The following HIPK2 variants were observed in gnomAD, a reference collection of about 807,000 sequenced individuals.
HIPK2 encodes the protein homeodomain-interacting protein kinase 2.
A neutral mutation model predicts 113.7 loss-of-function variants in HIPK2; 27 were observed. The ratio of observed to expected loss-of-function variants is 0.24; its 90% CI spans 0.17 to 0.33. HIPK2 has a LOEUF of 0.33. Ranked by LOEUF, HIPK2 falls within the 10% of genes least tolerant of loss-of-function variation. The probability of loss-of-function intolerance (pLI) is 1.00; values close to 1 mark genes in which losing one functional copy is unlikely to be tolerated. For missense variants in HIPK2, 1,257 were observed against 1,588.0 expected (o/e 0.79, Z 3.54); for synonymous variants, 631 against 642.2 (o/e 0.98, Z 0.26).
intron 2 of HIPK2, among the ~76,000 whole-genome samples, chr7:139,641,794 A>G (rs545293780): frequency 2.0e-5 from 3 of 152,354 alleles, no homozygotes; most frequent in South Asian, 2.1e-4. Flanking sequence ...GCTCATTTAC[A>G]TAGTTCACTG....
intron 2 of HIPK2, among the ~76,000 whole-genome samples, chr7:139,665,605 T>TCCATCCATCCATCCAC: frequency 6.7e-6 from 1 of 149,582 alleles, no homozygotes; most frequent in East Asian, 2.0e-4. Context: ...CATCCATCCA[T>TCCATCCATCCATCCAC]CCACCCATGG....
intron 12 of HIPK2, among the ~76,000 whole-genome samples, chr7:139,586,108 G>A (rs1425326876): frequency 6.6e-6 from 1 of 152,170 alleles, no homozygotes; most frequent in Non-Finnish European, 1.5e-5. Flanking sequence ...TCGTACAGAT[G>A]ATAATTGTTA....
rs1797974214 is a variant in HIPK2 at position 139,562,444 on chromosome 7, A to G, written c.*10483T>C. On this transcript the variant is annotated 3_prime_UTR_variant, in exon 15 of 15. Coordinates refer to ENST00000406875, the MANE Select transcript of HIPK2 (RefSeq NM_022740.5). ...TCTTTCTATCCAGTGTCCTGAATTCATGAGCAGTTGAAAGGTAAACATTTC... is the reference window on the plus strand; with the variant it reads ...TCTTTCTATCCAGTGTCCTGAATTCGTGAGCAGTTGAAAGGTAAACATTTC... 6.6e-6 allele frequency: 1 copy of G among 152,218 alleles called. No homozygotes were observed. The allele number at this position is 152,218 out of a possible 1,614,324, so 9.4% of individuals were successfully genotyped here.
chr7:139,747,615 GTGTTACT>G (rs1319400644), intron 1 of HIPK2, among the ~76,000 whole-genome samples: 1 of 152,222 alleles, frequency 6.6e-6, no homozygotes, highest in East Asian at 1.9e-4. Context: ...AATTCTGCCT[GTGTTACT>G]TCACTTTTAC....
intron 1 of HIPK2, among the ~76,000 whole-genome samples, chr7:139,754,486 G>A (rs1222917779): frequency 2.0e-5 from 3 of 152,146 alleles, no homozygotes; most frequent in African/African-American, 4.8e-5. Context: ...AAGAAAGCTG[G>A]TTCCACCAAA....
intron 14 of HIPK2, among the ~76,000 whole-genome samples, chr7:139,573,800 A>T (rs1339215671): frequency 6.6e-6 from 1 of 151,572 alleles, no homozygotes; most frequent in African/African-American, 2.4e-5. Flanking sequence ...GTGAGCTGAG[A>T]TCACGCGAGT....
At chr7:139,637,199 C>A (rs1800842731) in intron 2 of HIPK2, among the ~76,000 whole-genome samples, 1 of 152,222 alleles carries the variant, frequency 6.6e-6, no homozygotes. Flanking sequence ...CTTGTCTCTC[C>A]CTTCCTTGTG....
At chr7:139,763,917 T>C (rs1408978677) in intron 1 of HIPK2, among the ~76,000 whole-genome samples, 1 of 152,240 alleles carries the variant, frequency 6.6e-6, no homozygotes, top group African/African-American at 2.4e-5. Flanking sequence ...ACTGTCTATA[T>C]AGTGCCACAT....
intron 1 of HIPK2, among the ~76,000 whole-genome samples, chr7:139,742,846 C>T (rs1585447401): frequency 1.3e-5 from 2 of 152,208 alleles, no homozygotes; most frequent in East Asian, 1.9e-4. Flanking sequence ...TGCCATTGGG[C>T]TGGCTTTGTC....
chr7:139,596,230 G>A (rs1237268658), intron 12 of HIPK2, among the ~76,000 whole-genome samples: 1 of 152,254 alleles, frequency 6.6e-6, no homozygotes, highest in East Asian at 1.9e-4. Flanking sequence ...GGGATAAACA[G>A]TAATGCTCTC....
At chr7:139,670,975 G>C (rs942809359) in intron 2 of HIPK2, among the ~76,000 whole-genome samples, 2 of 151,732 alleles carry the variant, frequency 1.3e-5, no homozygotes, top group Non-Finnish European at 1.5e-5. Flanking sequence ...TGTCCAGGCT[G>C]GTCTCCAACT....
rs748110718 is a variant in HIPK2, at chr7:139,631,657, A to G, written c.1172T>C (p.Ile391Thr). ...CGGCCAACCCAGGAACAATTCTGCA[A>G]TAACACAGCCCAGGGACCACATGTC... ...AIDMWSLGCVIAELFLGWPLY... is the reference protein window; with the variant it reads ...AIDMWSLGCVTAELFLGWPLY... The change falls in exon 3 of 15, where the codon ATT becomes ACT. Residue 391 changes from isoleucine to threonine, a missense_variant. Coordinates refer to ENST00000406875, the MANE Select transcript of HIPK2 (RefSeq NM_022740.5). The surrounding 1 kb of genome is among the most constrained non-coding windows in gnomAD (Gnocchi z 4.9). The G allele has an allele frequency of 8.7e-6, 14 of 1,614,080 alleles. No individual in the cohort carries two copies. Among genetic ancestry groups the G allele is most frequent in the Non-Finnish European group, 1.2e-5 (14 of 1,179,902 alleles).
intron 2 of HIPK2, among the ~76,000 whole-genome samples, chr7:139,705,861 C>T (rs951549207): frequency 1.3e-5 from 2 of 151,872 alleles, no homozygotes; most frequent in African/African-American, 4.8e-5. Flanking sequence ...CTAACATTTC[C>T]TGAGTGCTCA....
chr7:139,615,894 T>C (rs1286227565), intron 7 of HIPK2, among the ~76,000 whole-genome samples: 1 of 152,346 alleles, frequency 6.6e-6, no homozygotes, highest in East Asian at 1.9e-4. Flanking sequence ...GGGTGTGCTT[T>C]TGCAGCGTCG....
At chr7:139,610,865 G>A (rs1311173980) in intron 9 of HIPK2, among the ~76,000 whole-genome samples, 3 of 152,168 alleles carry the variant, frequency 2.0e-5, no homozygotes, top group Non-Finnish European at 2.9e-5. Context: ...GGATTGAGGC[G>A]AGTGAATGGA....
rs903718624 is a variant in HIPK2, at chr7:139,702,263, T to A, written c.1103+13669A>T. Among the ~76,000 whole-genome samples the A allele has an allele frequency of 2.6e-4, 39 of 152,260 alleles. 1 individual carries two copies. Among genetic ancestry groups the A allele is most frequent in the African/African-American group, 9.4e-4 (39 of 41,556 alleles). The stretch of plus-strand genomic sequence containing the variant: ...ACATCTTACACTGGCTGCTCTGAGC[T>A]GCAGAGGACACTGTGGAAGGACATT... On this transcript the variant is annotated intron_variant, in intron 2 of 14. Transcript: ENST00000406875.
chr7:139,735,047 A>G (rs1450774054), intron 1 of HIPK2, among the ~76,000 whole-genome samples: 2 of 152,248 alleles, frequency 1.3e-5, no homozygotes, highest in Non-Finnish European at 2.9e-5. Flanking sequence ...TACAAAGATA[A>G]TTGACACTAA....
chr7:139,710,607 C>T (rs1795032986), intron 2 of HIPK2, among the ~76,000 whole-genome samples: 1 of 152,284 alleles, frequency 6.6e-6, no homozygotes, highest in Non-Finnish European at 1.5e-5. Flanking sequence ...ATGCCTTACC[C>T]TCTGCACTCT....
At chr7:139,719,085 T>A (rs1230759537) in intron 1 of HIPK2, among the ~76,000 whole-genome samples, 1 of 152,110 alleles carries the variant, frequency 6.6e-6, no homozygotes. Flanking sequence ...AATCTCCCCA[T>A]CCCGTGTCTG....
Sources: allele counts gnomAD v4.1 joint callset (sites outside exome capture counted in the v4.1 genomes callset), GRCh38; gene constraint gnomAD v4.1.1; non-coding constraint Gnocchi (gnomAD v3.1); transcripts MANE v1.5; gene names NCBI Gene and HGNC (gene_info 2026-07-23, HGNC 2026-07-21).